CFAP47: variants seen among roughly 807,000 people sequenced by gnomAD.
The protein encoded by CFAP47 is cilia- and flagella-associated protein 47.
Under a neutral mutation model 148.1 loss-of-function variants are expected in CFAP47, and 29 were observed. The ratio of observed to expected loss-of-function variants is 0.20; its 90% CI spans 0.15 to 0.27. The LOEUF is 0.27. Among genes scored for constraint, CFAP47 ranks in the 10% least tolerant of loss-of-function variants. CFAP47 has a pLI of 1.00. For missense variants in CFAP47, 1,872 were observed against 1,697.5 expected (o/e 1.10, Z -1.81); for synonymous variants, 664 against 577.3 (o/e 1.15, Z -2.15).
chrX:36,119,513 G>T (rs948726748), intron 33 of CFAP47, among the ~76,000 whole-genome samples: 7 of 111,412 alleles, frequency 6.3e-5, no homozygotes, highest in African/African-American at 1.6e-4. Flanking sequence ...TTATTGGCCT[G>T]TAGTTTCCTT....
At chrX:36,244,649 C>A (rs1240262262) in intron 48 of CFAP47, among the ~76,000 whole-genome samples, 2 of 111,403 alleles carry the variant, frequency 1.8e-5, no homozygotes, top group African/African-American at 6.5e-5. Context: ...TGATAAATTA[C>A]TGGAAACACA....
At chrX:36,017,329 C>T (rs888866626) in intron 22 of CFAP47, among the ~76,000 whole-genome samples, 1 of 111,654 alleles carries the variant, frequency 9.0e-6, no homozygotes, top group Non-Finnish European at 1.9e-5. Context: ...TTATCCCATT[C>T]GGGTATTGTC....
rs189997862 is a variant in CFAP47 at position 36,371,689 on chromosome X, T to C, written c.9185+4562T>C. ...ATACACACATGTGTATATATGTGTG[T>C]ATATACACACATGTGTATATATGTG... is the stretch of plus-strand genomic sequence containing the variant. On this transcript the variant is annotated intron_variant, in intron 62 of 63. Transcript: ENST00000378653. 1.2e-3 allele frequency among the ~76,000 whole-genome samples: 86 copies of C among 69,633 alleles called. 4 individuals carry two copies. Among genetic ancestry groups the C allele is most frequent in the African/African-American group, 4.9e-3 (70 of 14,179 alleles). The allele number at this position is 69,633 out of a possible 115,157, so 60.5% of individuals were successfully genotyped here. A position where few individuals can be genotyped will look rare whatever the true frequency, so the allele number is the denominator to read the frequency against.
chrX:36,050,660 C>G (rs973762788), intron 26 of CFAP47, among the ~76,000 whole-genome samples: 1 of 112,176 alleles, frequency 8.9e-6, no homozygotes, highest in Non-Finnish European at 1.9e-5. Context: ...TAGAAAAACC[C>G]ATTTTCTGTG....
chrX:35,967,382 T>A (rs1454080229), intron 9 of CFAP47, among the ~76,000 whole-genome samples: 1 of 111,137 alleles, frequency 9.0e-6, no homozygotes, highest in Non-Finnish European at 1.9e-5. Context: ...TAAACCTAAA[T>A]CCTTCAAGTT....
intron 56 of CFAP47, among the ~76,000 whole-genome samples, chrX:36,316,156 A>G (rs781898801): frequency 1.1e-4 from 12 of 112,091 alleles, no homozygotes; most frequent in Admixed American, 9.5e-5. Context: ...TCACCTAGTT[A>G]TATATAAAAC....
rs782749168 is a variant in CFAP47 at position 36,261,793 on chromosome X, G to A, written c.7444+10349G>A. Among the ~76,000 whole-genome samples the A allele has an allele frequency of 8.1e-5, 9 of 111,025 alleles. No homozygotes were observed. The South Asian group carries it at 1.2e-3, about 14-fold the overall frequency. Reference sequence around the variant, plus strand: ...CCCACCTTTCCCCCTTTTCTATTCCGCAAAACCGCCATCGTCATCATGGCC... The same window carrying A: ...CCCACCTTTCCCCCTTTTCTATTCCACAAAACCGCCATCGTCATCATGGCC... On this transcript the variant is annotated intron_variant, in intron 49 of 63. Coordinates refer to ENST00000378653, the MANE Select transcript of CFAP47 (RefSeq NM_001304548.2).
intron 30 of CFAP47, among the ~76,000 whole-genome samples, chrX:36,091,773 C>T (rs1938189978): frequency 9.0e-6 from 1 of 111,447 alleles, no homozygotes. Context: ...TTTTCTCAGT[C>T]ATCTGCACCA....
chrX:35,972,476 C>T (rs752621329), intron 13 of CFAP47, among the ~76,000 whole-genome samples: 3 of 111,239 alleles, frequency 2.7e-5, no homozygotes, highest in African/African-American at 9.8e-5. Flanking sequence ...AAGTGACCCA[C>T]CAGCCTTGGT....
intron 5 of CFAP47, among the ~76,000 whole-genome samples, 195 bp from the exon 6 acceptor site, chrX:35,951,608 C>CAA: frequency 9.0e-6 from 1 of 111,596 alleles, no homozygotes; most frequent in Non-Finnish European, 1.9e-5. Flanking sequence ...GAAGGTATTT[C>CAA]TGTTCTCATC....
At chrX:35,924,489 CTATA>C (rs1569202235) in intron 1 of CFAP47, among the ~76,000 whole-genome samples, 1 of 100,796 alleles carries the variant, frequency 9.9e-6, no homozygotes, top group Admixed American at 1.0e-4. Context: ...ATATGTGCAC[CTATA>C]TGTGTATATA....
chrX:36,098,692 T>C, intron 30 of CFAP47, 101 bp from the exon 31 acceptor site: 2 of 384,605 alleles, frequency 5.2e-6, no homozygotes, highest in South Asian at 1.6e-4. Flanking sequence ...ATCTAGCATA[T>C]ATACAAATGT....
intron 56 of CFAP47, among the ~76,000 whole-genome samples, chrX:36,318,212 A>G (rs183833457): frequency 3.6e-5 from 4 of 112,523 alleles, no homozygotes; most frequent in East Asian, 2.8e-4. Flanking sequence ...CCTTCAATGT[A>G]TATATATTTA....
At chrX:36,138,504 A>G (rs752159586) in intron 35 of CFAP47, 40 bp downstream of exon 35, 1 of 1,108,288 alleles carries the variant, frequency 9.0e-7, no homozygotes, top group Non-Finnish European at 1.2e-6. Context: ...AACATTTTAT[A>G]AATTTCTTTT....
At chrX:36,150,338 C>G (rs1273387001) in intron 37 of CFAP47, among the ~76,000 whole-genome samples, 1 of 111,866 alleles carries the variant, frequency 8.9e-6, no homozygotes, top group Non-Finnish European at 1.9e-5. Context: ...ATGCTAATGA[C>G]ATAAATACTC....
At chrX:36,295,721 A>G (rs972504342) in intron 51 of CFAP47, among the ~76,000 whole-genome samples, 4 of 112,093 alleles carry the variant, frequency 3.6e-5, no homozygotes, top group African/African-American at 9.7e-5. Flanking sequence ...AATTTTGAAG[A>G]TATTTTGGCA....
rs750290905 is a variant in CFAP47, at chrX:36,180,192, T to G, written c.6104+770T>G. Among the ~76,000 whole-genome samples, 5 of 111,744 alleles carry G rather than the reference T, an allele frequency of 4.5e-5. 1 individual carries two copies. In the South Asian group the frequency reaches 1.9e-3, roughly 42 times the overall value. ...CAGGATTTAAATTTATTCTACCTAC[T>G]TTATGAGGGCTATATTTAGTTTATA... is the stretch of plus-strand genomic sequence containing the variant. On this transcript the variant is annotated intron_variant, in intron 40 of 63. Coordinates refer to ENST00000378653, the MANE Select transcript of CFAP47 (RefSeq NM_001304548.2).
chrX:36,241,877 A>G (rs1555996072), intron 48 of CFAP47, among the ~76,000 whole-genome samples: 6 of 112,058 alleles, frequency 5.4e-5, no homozygotes. Flanking sequence ...ATGTGGGTGC[A>G]GTGCCAGTAA....
chrX:36,023,256 G>T (rs4263918), intron 22 of CFAP47, among the ~76,000 whole-genome samples: 28,169 of 111,489 alleles, frequency 0.25, 4,828 homozygotes, highest in African/African-American at 0.61. Context: ...TCCAGAAGAA[G>T]TCTCTGAATT....
Sources: allele counts gnomAD v4.1 joint callset (sites outside exome capture counted in the v4.1 genomes callset), GRCh38; gene constraint gnomAD v4.1.1; transcripts MANE v1.5; gene names NCBI Gene and HGNC (gene_info 2026-07-23, HGNC 2026-07-21).